Variants in TMEM278 observed in about 807,000 individuals in gnomAD.
The protein encoded by TMEM278 is transmembrane protein 278.
chr1:1,429,179 C>CA, the TMEM278 span, among the ~76,000 whole-genome samples: 3 of 150,700 alleles, frequency 2.0e-5, no homozygotes, highest in South Asian at 2.1e-4. Context: ...TAAAAACAAA[C>CA]AAAAAAACAA....
the TMEM278 span, among the ~76,000 whole-genome samples, chr1:1,426,757 A>C: frequency 6.6e-6 from 1 of 151,700 alleles, no homozygotes; most frequent in Non-Finnish European, 1.5e-5. Flanking sequence ...GGCCCCTCCC[A>C]GGCCCTCCTG....
At chr1:1,426,489 TCA>T in the TMEM278 span, 1 of 972,436 alleles carries the variant, frequency 1.0e-6, no homozygotes, top group Non-Finnish European at 1.4e-6. Context: ...CCCCTTGTCC[TCA>T]GAGACACGTG....
the TMEM278 span, among the ~76,000 whole-genome samples, chr1:1,427,944 C>T: frequency 8.1e-6 from 1 of 123,252 alleles, no homozygotes; most frequent in Non-Finnish European, 1.7e-5. Flanking sequence ...CGCCCGCAGC[C>T]CCGCCCCCGC....
chr1:1,427,781 G>T, the TMEM278 span: 2 of 1,377,058 alleles, frequency 1.5e-6, no homozygotes, highest in East Asian at 3.4e-5. Context: ...TCTGCGCCTG[G>T]GTGTGACCCG....
At chr1:1,428,725 G>A in the TMEM278 span, among the ~76,000 whole-genome samples, 3 of 152,214 alleles carry the variant, frequency 2.0e-5, no homozygotes, top group South Asian at 6.2e-4. Context: ...TCCAGGCCAG[G>A]CACGGTGGCT....
chr1:1,428,263 AGGCCTCCCGCGCCTGCCCAGGTCCC>A, the TMEM278 span, among the ~76,000 whole-genome samples: 1 of 151,658 alleles, frequency 6.6e-6, no homozygotes, highest in Non-Finnish European at 1.5e-5. Context: ...CCCCAGCCCA[AGGCCTCCCGCGCCTGCCCAGGTCCC>A]GGCCTCCATC....
At chr1:1,427,195 C>G in the TMEM278 span, among the ~76,000 whole-genome samples, 1 of 147,138 alleles carries the variant, frequency 6.8e-6, no homozygotes, top group Non-Finnish European at 1.5e-5. Context: ...CTCCCTTTGC[C>G]GTGGCCCTGC....
chr1:1,427,588 T>C, the TMEM278 span: 1 of 1,041,304 alleles, frequency 9.6e-7, no homozygotes, highest in Non-Finnish European at 1.1e-6. Context: ...TGCCGCGCGC[T>C]GTTCTCAGAC....
At chr1:1,428,826 C>T in the TMEM278 span, among the ~76,000 whole-genome samples, 1 of 152,072 alleles carries the variant, frequency 6.6e-6, no homozygotes, top group Non-Finnish European at 1.5e-5. Context: ...CGGTGAAACC[C>T]CGTCTCTACT....
At chr1:1,430,151 C>G in the TMEM278 span, among the ~76,000 whole-genome samples, 1 of 152,240 alleles carries the variant, frequency 6.6e-6, no homozygotes, top group African/African-American at 2.4e-5. Flanking sequence ...AGCCACCCCA[C>G]CTGGCCTTAT....
the TMEM278 span, chr1:1,426,112 C>A: frequency 7.2e-7 from 1 of 1,384,134 alleles, no homozygotes; most frequent in Non-Finnish European, 9.4e-7. Context: ...GGCCACAGGC[C>A]TGCAGTGGCA....
the TMEM278 span, chr1:1,427,856 C>A: frequency 1.5e-6 from 2 of 1,299,480 alleles, no homozygotes; most frequent in Non-Finnish European, 9.8e-7. Context: ...TGGCCCGGCC[C>A]GGAAAACTGA....
chr1:1,426,498 C>A, the TMEM278 span: 2 of 861,358 alleles, frequency 2.3e-6, no homozygotes, highest in Non-Finnish European at 3.2e-6. Flanking sequence ...CTCAGAGACA[C>A]GTGTGCCCCT....
chr1:1,428,671 CTGAT>C, the TMEM278 span, among the ~76,000 whole-genome samples: 2 of 152,178 alleles, frequency 1.3e-5, no homozygotes, highest in East Asian at 1.9e-4. Context: ...GTCTAATCTG[CTGAT>C]TAACTCATTC....
chr1:1,429,307 C>G, the TMEM278 span, among the ~76,000 whole-genome samples: 1 of 151,360 alleles, frequency 6.6e-6, no homozygotes, highest in Non-Finnish European at 1.5e-5. Flanking sequence ...GAGAGGGTGC[C>G]ACTGCACTCC....
At chr1:1,426,478 G>A in the TMEM278 span, 1 of 1,110,706 alleles carries the variant, frequency 9.0e-7, no homozygotes. Flanking sequence ...TTCCAGAATT[G>A]CCCCTTGTCC....
the TMEM278 span, chr1:1,426,533 A>AC: frequency 1.6e-6 from 1 of 612,558 alleles, no homozygotes; most frequent in Non-Finnish European, 2.5e-6. Context: ...TCTCCCAAGC[A>AC]CCCCCACCAG....
At chr1:1,427,345 CCATCACCCTGCCCTGCCCCTT>C in the TMEM278 span, among the ~76,000 whole-genome samples, 1 of 83,252 alleles carries the variant, frequency 1.2e-5, no homozygotes, top group Non-Finnish European at 2.8e-5. Context: ...CCCTTCCCCT[CCATCACCCTGCCCTGCCCCTT>C]CCCCTCCATC....
At chr1:1,426,454 G>A in the TMEM278 span, 62 of 1,252,284 alleles carry the variant, frequency 5.0e-5, no homozygotes, top group South Asian at 4.4e-4. Flanking sequence ...TGGGTCTGAA[G>A]GCACTGTGCC....
Sources: allele counts gnomAD v4.1 joint callset (sites outside exome capture counted in the v4.1 genomes callset), GRCh38; gene constraint gnomAD v4.1.1; transcripts MANE v1.5; gene names NCBI Gene and HGNC (gene_info 2026-07-23, HGNC 2026-07-21).